Variants in SYTL3 observed in about 807,000 individuals in gnomAD.
SYTL3 encodes the protein synaptotagmin like 3, also known as synaptotagmin-like protein 3.
SYTL3 carries 88 observed loss-of-function variants against 82.1 expected under a neutral mutation model. The ratio of observed to expected loss-of-function variants is 1.07; its 90% CI spans 0.90 to 1.28. SYTL3 has a LOEUF of 1.28. Among genes scored for constraint, SYTL3 ranks in the 50% most tolerant of loss-of-function variants. SYTL3 has a pLI of 0.00. For missense variants in SYTL3, 831 were observed against 757.6 expected (o/e 1.10, Z -1.14); for synonymous variants, 311 against 289.4 (o/e 1.07, Z -0.76).
intron 5 of SYTL3, among the ~76,000 whole-genome samples, chr6:158,675,263 A>AG (rs1777895080): frequency 6.6e-6 from 1 of 152,072 alleles, no homozygotes. Context: ...TGTGACAGAG[A>AG]GGGGGGCACC....
At chr6:158,748,670 C>T (rs933616559) in intron 12 of SYTL3, among the ~76,000 whole-genome samples, 3 of 151,810 alleles carry the variant, frequency 2.0e-5, no homozygotes, top group Non-Finnish European at 4.4e-5. Flanking sequence ...CATGGTGAAA[C>T]CCCATCTTTA....
chr6:158,737,278 AGCCACTAAGT>A (rs1277648993), intron 11 of SYTL3, among the ~76,000 whole-genome samples: 1 of 152,246 alleles, frequency 6.6e-6, no homozygotes, highest in Non-Finnish European at 1.5e-5. Flanking sequence ...AAGATCACAC[AGCCACTAAGT>A]GTCAGGGCCA....
chr6:158,683,859 G>A (rs1779003346), intron 6 of SYTL3, among the ~76,000 whole-genome samples: 1 of 152,154 alleles, frequency 6.6e-6, no homozygotes, highest in Non-Finnish European at 1.5e-5. Context: ...CGCATGTTGC[G>A]GTAATATGGG....
intron 12 of SYTL3, among the ~76,000 whole-genome samples, chr6:158,750,488 G>T (rs1788256880): frequency 6.6e-6 from 1 of 152,188 alleles, no homozygotes. Flanking sequence ...GAACTGTGAA[G>T]AATTAGAGAT....
intron 6 of SYTL3, among the ~76,000 whole-genome samples, chr6:158,687,346 C>T (rs1229434318): frequency 6.6e-6 from 1 of 152,078 alleles, no homozygotes; most frequent in East Asian, 1.9e-4. Context: ...CATGACATGG[C>T]GGCTGGCTTC....
chr6:158,749,234 TA>T, intron 12 of SYTL3, among the ~76,000 whole-genome samples: 1 of 146,134 alleles, frequency 6.8e-6, no homozygotes, highest in African/African-American at 2.5e-5. Context: ...CATTAAATAA[TA>T]AATAAAAATT....
chr6:158,718,359 C>A, intron 10 of SYTL3, 148 bp downstream of exon 10: 3 of 1,007,152 alleles, frequency 3.0e-6, no homozygotes, highest in Non-Finnish European at 4.0e-6. Context: ...CCAGTCAGTG[C>A]CTCTATTTGG....
In SYTL3 at chr6:158,719,392, T is replaced by C. The variant is rs893812768; in HGVS notation, c.720+1181T>C. Among the ~76,000 whole-genome samples the C allele has an allele frequency of 3.3e-5, 5 of 152,000 alleles. No homozygotes were observed. The East Asian group carries it at 9.7e-4, about 29-fold the overall frequency. On this transcript the variant is annotated intron_variant, in intron 10 of 17. Transcript: ENST00000611299. Reference sequence around the variant, plus strand: ...TCCCAGCTCTTATGAGTATAGGGGGTCACTGGGGCTCTTAAAATGCAGATT... The same window carrying C: ...TCCCAGCTCTTATGAGTATAGGGGGCCACTGGGGCTCTTAAAATGCAGATT...
At chr6:158,676,391 T>C (rs1362228067) in intron 5 of SYTL3, among the ~76,000 whole-genome samples, 1 of 152,108 alleles carries the variant, frequency 6.6e-6, no homozygotes, top group Non-Finnish European at 1.5e-5. Context: ...TTACACCTTA[T>C]ACAAAAATTA....
intron 11 of SYTL3, among the ~76,000 whole-genome samples, chr6:158,743,095 G>T (rs2128508499): frequency 6.6e-6 from 1 of 152,300 alleles, no homozygotes. Context: ...GAGCTTCTGA[G>T]TCTCTTTGCC....
chr6:158,756,000 C>T (rs141606578), intron 13 of SYTL3, among the ~76,000 whole-genome samples: 86 of 152,216 alleles, frequency 5.6e-4, no homozygotes, highest in African/African-American at 2.0e-3. Context: ...TCATAGGGTG[C>T]GTGTGAAAGC....
intron 5 of SYTL3, among the ~76,000 whole-genome samples, chr6:158,674,667 T>C (rs2583077): frequency 0.25 from 38,128 of 152,140 alleles, 8,147 homozygotes; most frequent in African/African-American, 0.59. Context: ...CCGTTTTTAT[T>C]GCCAAGGCCT....
chr6:158,677,470 C>T (rs1254818917), intron 5 of SYTL3, among the ~76,000 whole-genome samples: 1 of 151,876 alleles, frequency 6.6e-6, no homozygotes. Context: ...TTAATGGGTG[C>T]AGCACAACAT....
intron 5 of SYTL3, among the ~76,000 whole-genome samples, chr6:158,682,408 G>GGA (rs1778807629): frequency 7.3e-6 from 1 of 136,862 alleles, no homozygotes; most frequent in African/African-American, 2.8e-5. Flanking sequence ...CGCCCAGGCT[G>GGA]GAGTGCAGTG....
At chr6:158,699,562 A>C (rs940909246) in intron 6 of SYTL3, among the ~76,000 whole-genome samples, 48 of 152,196 alleles carry the variant, frequency 3.2e-4, no homozygotes, top group African/African-American at 1.1e-3. Flanking sequence ...CCGCTGCCTC[A>C]ATCTATAGTT....
At chr6:158,713,763 G>C (rs958568921) in intron 8 of SYTL3, 37 bp from the exon 9 acceptor site, 13 of 1,449,750 alleles carry the variant, frequency 9.0e-6, no homozygotes, top group Non-Finnish European at 1.2e-5. Context: ...AAGTCATCAA[G>C]CATAATTCTC....
intron 6 of SYTL3, among the ~76,000 whole-genome samples, chr6:158,703,203 C>G (rs1007849162): frequency 6.6e-6 from 1 of 151,254 alleles, no homozygotes; most frequent in African/African-American, 2.4e-5. Flanking sequence ...GGCAACCACC[C>G]GAGCAGCAAA....
Position 158,760,728 on chromosome 6 carries a change from T to G in SYTL3, c.1397T>G (p.Leu466Arg). ...KLVLPSRPRK[L>R]QEAQEGTDQP... ...GTTCTCCCTTCACGGCCCAGAAAAC[T>G]CCAAGAGGCTCAAGAAGGTCAGTGG... Residue 466 changes from leucine (L) to arginine (R), a missense_variant, in exon 15 of 18, where the codon CTC becomes CGC. Transcript: ENST00000611299. 6.2e-7 allele frequency: 1 copy of G among 1,613,922 alleles called. No homozygotes were observed. The highest frequency in any genetic ancestry group is 8.5e-7 in the Non-Finnish European group (1 of 1,179,834).
At chr6:158,715,640 C>T (rs1403352977) in intron 9 of SYTL3, among the ~76,000 whole-genome samples, 1 of 37,688 alleles carries the variant, frequency 2.7e-5, no homozygotes. Context: ...ACCCCCCATA[C>T]CCCCCCACCA....
Sources: allele counts gnomAD v4.1 joint callset (sites outside exome capture counted in the v4.1 genomes callset), GRCh38; gene constraint gnomAD v4.1.1; transcripts MANE v1.5; gene names NCBI Gene and HGNC (gene_info 2026-07-23, HGNC 2026-07-21).